ADAM23: variants seen among roughly 807,000 people sequenced by gnomAD.
The protein encoded by ADAM23 is disintegrin and metalloproteinase domain-containing protein 23.
A neutral mutation model predicts 120.1 loss-of-function variants in ADAM23; 33 were observed. The observed-to-expected ratio is 0.27, with a 90% CI of 0.21 to 0.37. ADAM23 has a LOEUF of 0.37. ADAM23 is among the 10% of genes least tolerant of loss of function. The probability of loss-of-function intolerance (pLI) is 1.00; values close to 1 mark genes in which losing one functional copy is unlikely to be tolerated. For missense variants in ADAM23, 862 were observed against 1,058.2 expected (o/e 0.81, Z 2.57); for synonymous variants, 367 against 375.2 (o/e 0.98, Z 0.25).
At chr2:206,537,546 T>C (rs1302827725) in intron 4 of ADAM23, among the ~76,000 whole-genome samples, 3 of 152,188 alleles carry the variant, frequency 2.0e-5, no homozygotes, top group African/African-American at 4.8e-5. Context: ...TCCCCACCTC[T>C]TTCTGCTTCC....
chr2:206,489,646 G>A (rs1175026708), intron 3 of ADAM23, among the ~76,000 whole-genome samples: 2 of 152,174 alleles, frequency 1.3e-5, no homozygotes, highest in Non-Finnish European at 2.9e-5. Context: ...TGATAACCCT[G>A]TGAGGAAGAT....
rs150657177 is a variant in ADAM23, at chr2:206,553,302, G to A, written c.933+3142G>A. On this transcript the variant is annotated intron_variant, in intron 9 of 25. Transcript: ENST00000264377. The stretch of plus-strand genomic sequence containing the variant: ...AATTAAAAAATTAGCCGGAGGTGGT[G>A]ACATTTACCTGTAATCTCAGCTACT... Among the ~76,000 whole-genome samples, 299 of 152,222 alleles carry A rather than the reference G, an allele frequency of 2.0e-3. 1 individual carries two copies. Among genetic ancestry groups the A allele is most frequent in the African/African-American group, 6.7e-3 (280 of 41,558 alleles).
At chr2:206,450,258 A>T (rs1428291998) in intron 2 of ADAM23, among the ~76,000 whole-genome samples, 2 of 152,210 alleles carry the variant, frequency 1.3e-5, no homozygotes, top group Non-Finnish European at 2.9e-5. Flanking sequence ...TGGGGAAAAG[A>T]TTTCCCTTCT....
chr2:206,523,307 C>T (rs1004793075), intron 3 of ADAM23, among the ~76,000 whole-genome samples: 4 of 152,082 alleles, frequency 2.6e-5, no homozygotes, highest in African/African-American at 7.2e-5. Context: ...TCTTGTTACC[C>T]CCAAAGAAAA....
rs552796068 is a variant in ADAM23, at chr2:206,444,174, C to T, written c.214+94C>T. The T allele has an allele frequency of 1.6e-5, 17 of 1,038,056 alleles. No homozygotes were observed. In the South Asian group the frequency reaches 6.6e-4, roughly 41 times the overall value. The allele number at this position is 1,038,056 out of a possible 1,614,324, so 64.3% of individuals were successfully genotyped here. The stretch of plus-strand genomic sequence containing the variant: ...GCGGGTCCGTGTGCTCCGGGCTTGT[C>T]CCCGGCTCGGCCTTTCCTTCCCTCC... On this transcript the variant is annotated intron_variant, in intron 1 of 25. Coordinates refer to ENST00000264377, the MANE Select transcript of ADAM23 (RefSeq NM_003812.4).
At chr2:206,550,188 G>A (rs1383364458) in intron 9 of ADAM23, 28 bp downstream of exon 9, 1 of 1,371,956 alleles carries the variant, frequency 7.3e-7, no homozygotes, top group South Asian at 1.3e-5. Flanking sequence ...GTGGGTTTTA[G>A]AACAGATAGC....
chr2:206,492,127 A>G, intron 3 of ADAM23, among the ~76,000 whole-genome samples: 1 of 152,248 alleles, frequency 6.6e-6, no homozygotes, highest in Non-Finnish European at 1.5e-5. Context: ...TGACAATCTG[A>G]GAAGTACTGT....
chr2:206,511,403 A>G (rs1044455074), intron 3 of ADAM23, among the ~76,000 whole-genome samples: 1 of 151,716 alleles, frequency 6.6e-6, no homozygotes, highest in East Asian at 1.9e-4. Flanking sequence ...TCTTCCATGC[A>G]TGGGGACAGC....
In ADAM23 at chr2:206,505,720, A is replaced by C. The variant is rs13410399; in HGVS notation, c.509+24412A>C. 5.6e-3 allele frequency among the ~76,000 whole-genome samples: 856 copies of C among 152,322 alleles called. 7 individuals are homozygous for C. The highest frequency in any genetic ancestry group is 0.019 in the African/African-American group (806 of 41,572). On this transcript the variant is annotated intron_variant, in intron 3 of 25. Transcript: ENST00000264377. ...CCCTACCTTCAACATTGGGGATTACATGAGATTTGGGCAGGGACACAGACT... is the reference window on the plus strand; with the variant it reads ...CCCTACCTTCAACATTGGGGATTACCTGAGATTTGGGCAGGGACACAGACT...
At chr2:206,447,626 A>G (rs1695108992) in intron 2 of ADAM23, among the ~76,000 whole-genome samples, 1 of 152,196 alleles carries the variant, frequency 6.6e-6, no homozygotes. Context: ...GTATCTTAGG[A>G]TGACTTGCTT....
intron 25 of ADAM23, among the ~76,000 whole-genome samples, chr2:206,616,086 C>A (rs945104479): frequency 1.3e-5 from 2 of 152,186 alleles, no homozygotes; most frequent in African/African-American, 4.8e-5. Context: ...GGTCATTTCA[C>A]AAGGTCAGGC....
intron 3 of ADAM23, among the ~76,000 whole-genome samples, chr2:206,494,815 A>G (rs570092375): frequency 2.0e-5 from 3 of 152,344 alleles, no homozygotes; most frequent in African/African-American, 4.8e-5. Flanking sequence ...AAAAATGTAC[A>G]TGTGAAAACC....
At chr2:206,545,124 ATAGAGT>A (rs1456984786) in intron 6 of ADAM23, among the ~76,000 whole-genome samples, 3 of 152,202 alleles carry the variant, frequency 2.0e-5, no homozygotes, top group Non-Finnish European at 2.9e-5. Context: ...TTTGTGAGTG[ATAGAGT>A]TAGATTATTG....
chr2:206,505,374 A>C (rs1574502362), intron 3 of ADAM23, among the ~76,000 whole-genome samples: 1 of 152,106 alleles, frequency 6.6e-6, no homozygotes, highest in African/African-American at 2.4e-5. Flanking sequence ...GATAGTTACT[A>C]TTTGTATTAG....
At chr2:206,600,420 G>A (rs1698619160) in intron 24 of ADAM23, among the ~76,000 whole-genome samples, 1 of 152,082 alleles carries the variant, frequency 6.6e-6, no homozygotes, top group African/African-American at 2.4e-5. Flanking sequence ...TAATTTCAAT[G>A]TGCTTCCATT....
intron 18 of ADAM23, among the ~76,000 whole-genome samples, chr2:206,581,891 T>C (rs563813583): frequency 6.6e-6 from 1 of 152,138 alleles, no homozygotes; most frequent in Non-Finnish European, 1.5e-5. Flanking sequence ...CTTTCTTTTT[T>C]TTTGAGATGG....
At chr2:206,483,303 G>C (rs1695936007) in intron 3 of ADAM23, among the ~76,000 whole-genome samples, 1 of 152,144 alleles carries the variant, frequency 6.6e-6, no homozygotes. Context: ...GGAACAAACA[G>C]GTTAAATGGT....
intron 1 of ADAM23, among the ~76,000 whole-genome samples, chr2:206,444,372 G>A (rs1695031323): frequency 1.3e-5 from 2 of 152,202 alleles, no homozygotes; most frequent in South Asian, 4.1e-4. Context: ...TTGCGGAGGG[G>A]CAACCAGTGG....
In ADAM23 at chr2:206,605,045, C is replaced by T. The variant is rs573042574; in HGVS notation, c.2360-4865C>T. On this transcript the variant is annotated intron_variant, in intron 24 of 25. Coordinates refer to ENST00000264377, the MANE Select transcript of ADAM23 (RefSeq NM_003812.4). ...TTGGGGACCTCCACTCATTCCAGGC[C>T]CATTTTCCAGGATTGGAAAGCTGTA... Among the ~76,000 whole-genome samples, 9 of 152,260 alleles carry T rather than the reference C, an allele frequency of 5.9e-5. No homozygotes were observed. In the South Asian group the frequency reaches 1.7e-3, roughly 28 times the overall value.
Sources: allele counts gnomAD v4.1 joint callset (sites outside exome capture counted in the v4.1 genomes callset), GRCh38; gene constraint gnomAD v4.1.1; transcripts MANE v1.5; gene names NCBI Gene and HGNC (gene_info 2026-07-23, HGNC 2026-07-21).